Variants in MAP4K3 observed in about 807,000 individuals in gnomAD.
MAP4K3 encodes the protein MAPK/ERK kinase kinase kinase 3.
A neutral mutation model predicts 143.5 loss-of-function variants in MAP4K3; 94 were observed. That is an observed-to-expected ratio of 0.65 (90% CI 0.55 to 0.78). The LOEUF (loss-of-function observed/expected upper bound fraction) is 0.78. Among genes scored for constraint, MAP4K3 ranks in the 30% least tolerant of loss-of-function variants. The pLI is 0.00. For missense variants in MAP4K3, 1,077 were observed against 1,068.1 expected (o/e 1.01, Z -0.12); for synonymous variants, 416 against 347.2 (o/e 1.20, Z -2.20).
intron 1 of MAP4K3, among the ~76,000 whole-genome samples, chr2:39,410,110 T>C (rs1326655648): frequency 1.3e-5 from 2 of 152,232 alleles, no homozygotes; most frequent in African/African-American, 4.8e-5. Flanking sequence ...TTGGTTAATC[T>C]CTTTTTAGTT....
At chr2:39,275,078 T>C (rs1235847966) in intron 24 of MAP4K3, among the ~76,000 whole-genome samples, 1 of 152,244 alleles carries the variant, frequency 6.6e-6, no homozygotes, top group Non-Finnish European at 1.5e-5. Flanking sequence ...AAATGTTTCC[T>C]TTGAAGGGCA....
chr2:39,310,563 A>G (rs902585753), intron 13 of MAP4K3, among the ~76,000 whole-genome samples: 1 of 152,156 alleles, frequency 6.6e-6, no homozygotes, highest in South Asian at 2.1e-4. Flanking sequence ...GGGAGTGTAG[A>G]TATCTCTTAG....
chr2:39,369,205 G>GTTTTTTTTTTTTTTTTTTTTTTTT (rs68013609), intron 2 of MAP4K3, among the ~76,000 whole-genome samples: 2 of 125,376 alleles, frequency 1.6e-5, no homozygotes, highest in African/African-American at 3.2e-5. Flanking sequence ...TTTTTTTTTT[G>GTTTTTTTTTTTTTTTTTTTTTTTT]TTTTTTTTGA....
At chr2:39,323,247 C>A (rs531296666) in intron 12 of MAP4K3, 1 of 152,104 alleles carries the variant, frequency 6.6e-6, no homozygotes, top group Non-Finnish European at 1.5e-5. Flanking sequence ...AATTATAATA[C>A]CAAAACAATG....
chr2:39,401,064 G>A (rs1180549561), intron 1 of MAP4K3, among the ~76,000 whole-genome samples: 1 of 152,156 alleles, frequency 6.6e-6, no homozygotes, highest in African/African-American at 2.4e-5. Flanking sequence ...TCTAGAGACA[G>A]TTTCCAGGCC....
chr2:39,349,399 T>C (rs922885111), intron 3 of MAP4K3, among the ~76,000 whole-genome samples: 38 of 152,336 alleles, frequency 2.5e-4, no homozygotes, highest in East Asian at 1.7e-3. Context: ...CAAGCTGATC[T>C]ATTTCTCTAT....
intron 1 of MAP4K3, among the ~76,000 whole-genome samples, chr2:39,388,210 G>A (rs1483964767): frequency 6.6e-6 from 1 of 152,172 alleles, no homozygotes; most frequent in Non-Finnish European, 1.5e-5. Context: ...AGAAGCAATA[G>A]CAGCAGCATT....
intron 13 of MAP4K3, among the ~76,000 whole-genome samples, chr2:39,310,952 T>G (rs991547373): frequency 3.3e-5 from 5 of 152,198 alleles, no homozygotes; most frequent in African/African-American, 1.2e-4. Flanking sequence ...CCGCTAAAGC[T>G]TAATTTGTTA....
chr2:39,291,894 A>G (rs1219443069), intron 18 of MAP4K3, among the ~76,000 whole-genome samples: 2 of 152,146 alleles, frequency 1.3e-5, no homozygotes, highest in Admixed American at 1.3e-4. Context: ...AAAGAAAGAA[A>G]AAATTGTAAT....
intron 1 of MAP4K3, among the ~76,000 whole-genome samples, chr2:39,388,563 G>A (rs945404993): frequency 6.6e-6 from 1 of 152,162 alleles, no homozygotes; most frequent in African/African-American, 2.4e-5. Flanking sequence ...AGCTGAAATT[G>A]GGACCACTGC....
chr2:39,410,380 T>C (rs1232653603), intron 1 of MAP4K3, among the ~76,000 whole-genome samples: 2 of 152,186 alleles, frequency 1.3e-5, no homozygotes. Flanking sequence ...CCTAGAAAAT[T>C]AGAGCAATAA....
intron 1 of MAP4K3, among the ~76,000 whole-genome samples, chr2:39,426,048 G>C (rs1255517349): frequency 6.6e-6 from 1 of 152,130 alleles, no homozygotes; most frequent in Non-Finnish European, 1.5e-5. Context: ...AAAAGGAAGA[G>C]ATAATCTGAT....
At position 39,252,504 on chromosome 2, in the gene MAP4K3, C is replaced by T. The variant is rs1462033674; in HGVS notation, c.2542-619G>A. ...ATAATAATTATCTTTCCCACTTCTT[C>T]CCCATTCTCTTGAAATAATATTTTC... On this transcript the variant is annotated intron_variant, in intron 32 of 33. Transcript: ENST00000263881. 4.6e-5 allele frequency among the ~76,000 whole-genome samples: 7 copies of T among 152,324 alleles called. No individual in the cohort carries two copies. In the East Asian group the frequency reaches 1.3e-3, roughly 29 times the overall value.
At chr2:39,367,079 C>A (rs951475880) in intron 2 of MAP4K3, among the ~76,000 whole-genome samples, 1 of 151,992 alleles carries the variant, frequency 6.6e-6, no homozygotes, top group East Asian at 1.9e-4. Flanking sequence ...AATACTTCAC[C>A]TGATAAAAAT....
chr2:39,380,404 A>C lies in MAP4K3; in HGVS notation c.97-2281T>G, dbSNP rs545817703. Among the ~76,000 whole-genome samples the C allele has an allele frequency of 2.6e-5, 4 of 152,300 alleles. No individual in the cohort carries two copies. In the East Asian group the frequency reaches 7.7e-4, roughly 29 times the overall value. ...CTAAATTGACTGTAGTCAAGGTTAC[A>C]CACAAAGGTAAATTTAAAAGTCAAT... On this transcript the variant is annotated intron_variant, in intron 1 of 33. Transcript: ENST00000263881.
Position 39,301,981 on chromosome 2 carries a change from G to A in MAP4K3, c.1120-2180C>T, listed in dbSNP as rs936192035. Among the ~76,000 whole-genome samples the A allele has an allele frequency of 4.6e-5, 7 of 151,610 alleles. No individual in the cohort carries two copies. The East Asian group carries it at 9.7e-4, about 21-fold the overall frequency. On this transcript the variant is annotated intron_variant, in intron 15 of 33. Coordinates refer to ENST00000263881, the MANE Select transcript of MAP4K3 (RefSeq NM_003618.4). ...GGAGGTTGCAGTGAGCCAACATTGCGCCACTACACTCCAGCTTGGCGACAG... is the reference window on the plus strand; with the variant it reads ...GGAGGTTGCAGTGAGCCAACATTGCACCACTACACTCCAGCTTGGCGACAG...
chr2:39,337,752 G>GTTTT lies in MAP4K3; in HGVS notation c.311-175_311-172dup, dbSNP rs570853243. ...TACTGTCCTACTGTGCCTGGCTCCAGTTTTTTTTTTTTTTTTTTTTTTTTT... is the reference window on the plus strand; with the variant it reads ...TACTGTCCTACTGTGCCTGGCTCCAGTTTTTTTTTTTTTTTTTTTTTTTTTTTTT... On this transcript the variant is annotated intron_variant, in intron 4 of 33. Coordinates refer to ENST00000263881, the MANE Select transcript of MAP4K3 (RefSeq NM_003618.4). Among the ~76,000 whole-genome samples the GTTTT allele has an allele frequency of 3.1e-3, 218 of 70,518 alleles. 35 individuals carry two copies. Among genetic ancestry groups the GTTTT allele is most frequent in the South Asian group, 4.5e-3 (6 of 1,320 alleles). 46.3% of individuals were successfully genotyped at this position (70,518 alleles called of 152,430 possible). A position where few individuals can be genotyped will look rare whatever the true frequency, so the allele number is the denominator to read the frequency against.
intron 1 of MAP4K3, among the ~76,000 whole-genome samples, chr2:39,404,751 A>G (rs1328074892): frequency 6.6e-6 from 1 of 150,524 alleles, no homozygotes; most frequent in Non-Finnish European, 1.5e-5. Flanking sequence ...CTTCCTGAGT[A>G]GCTGGGATTA....
intron 1 of MAP4K3, among the ~76,000 whole-genome samples, chr2:39,429,746 T>C (rs1021064058): frequency 6.6e-6 from 1 of 152,186 alleles, no homozygotes; most frequent in Non-Finnish European, 1.5e-5. Flanking sequence ...GCAAAGGACC[T>C]AGAATAGATA....
Sources: gnomAD v4.1 joint callset for allele counts (sites outside exome capture counted in the v4.1 genomes callset) on GRCh38, gnomAD v4.1.1 for gene constraint, MANE v1.5 for transcripts, NCBI Gene and HGNC (gene_info 2026-07-23, HGNC 2026-07-21) for gene names.